Variants in LAMP1 observed in about 807,000 individuals in gnomAD.
The protein encoded by LAMP1 is lysosome associated membrane protein 1, also known as lysosome-associated membrane glycoprotein 1.
Under a neutral mutation model 37.5 loss-of-function variants are expected in LAMP1, and 7 were observed. That is an observed-to-expected ratio of 0.19 (90% confidence interval 0.11 to 0.35). The LOEUF is 0.35. LAMP1 is among the 10% of genes least tolerant of loss of function. The probability of loss-of-function intolerance (pLI) is 1.00; values close to 1 mark genes in which losing one functional copy is unlikely to be tolerated. For missense variants in LAMP1, 537 were observed against 552.8 expected (o/e 0.97, Z 0.29); for synonymous variants, 236 against 229.1 (o/e 1.03, Z -0.27).
intron 8 of LAMP1, 75 bp from the exon 9 acceptor site, chr13:113,322,207 G>C (rs1382526883): frequency 6.7e-7 from 1 of 1,482,880 alleles, no homozygotes; most frequent in Non-Finnish European, 9.1e-7. Flanking sequence ...TGATGTGGGG[G>C]AGTGGTGGGG....
intron 3 of LAMP1, among the ~76,000 whole-genome samples, chr13:113,310,440 C>T (rs528198149): frequency 5.8e-4 from 88 of 152,188 alleles, no homozygotes; most frequent in African/African-American, 2.0e-3. Flanking sequence ...GCAAGAGAAT[C>T]GCCTGAACCC....
intron 4 of LAMP1, among the ~76,000 whole-genome samples, chr13:113,314,237 C>T (rs372473243): frequency 7.0e-3 from 269 of 38,614 alleles, no homozygotes; most frequent in African/African-American, 0.013. Flanking sequence ...GGAACCAGTG[C>T]GGAGATGTCG....
At chr13:113,312,737 C>T (rs1056498216) in intron 4 of LAMP1, among the ~76,000 whole-genome samples, 5 of 152,166 alleles carry the variant, frequency 3.3e-5, no homozygotes, top group African/African-American at 1.2e-4. Context: ...TCAGGAAGAG[C>T]GGGCTAGAGT....
rs1400496924 is a variant in LAMP1 at position 113,310,823 on chromosome 13, C to T, written c.518C>T (p.Ala173Val). 2.5e-6 allele frequency: 4 copies of T among 1,613,810 alleles called. No individual in the cohort carries two copies. Among genetic ancestry groups the T allele is most frequent in the South Asian group, 1.1e-5 (1 of 91,048 alleles). The change falls in exon 4 of 9, where the codon GCC (alanine) becomes GTC (valine). Residue 173 changes from alanine (A) to valine (V), a missense_variant. Transcript: ENST00000332556. ...MNNVTVTLHD[A>V]TIQAYLSNSS... ...AACGTGACCGTAACGCTCCATGATG[C>T]CACCATCCAGGCGTACCTTTCCAAC...
rs1477393230 is a variant in LAMP1 at position 113,322,493 on chromosome 13, G to GGAGGC, written c.*73_*77dup. On this transcript the variant is annotated 3_prime_UTR_variant, in exon 9 of 9. Coordinates refer to ENST00000332556, the MANE Select transcript of LAMP1 (RefSeq NM_005561.4). Reference sequence around the variant, plus strand: ...TCTGGGCTTAGGGTCCTGTCGAAGGGGAGGCACACTTTCTGGCAAACGTTT... The same window carrying GGAGGC: ...TCTGGGCTTAGGGTCCTGTCGAAGGGGAGGCGAGGCACACTTTCTGGCAAACGTTT... 2.1e-6 allele frequency: 3 copies of GGAGGC among 1,435,588 alleles called. No homozygotes were observed. The Admixed American group carries it at 6.7e-5, about 32-fold the overall frequency. 88.9% of individuals were successfully genotyped at this position (1,435,588 alleles called of 1,614,324 possible).
rs774188089 is a variant in LAMP1 at position 113,320,382 on chromosome 13, C to A, written c.788C>A (p.Thr263Asn). The change falls in exon 6 of 9, where the codon ACC (threonine) becomes AAC (asparagine). Residue 263 changes from threonine (T) to asparagine (N), a missense_variant. Thr to Asn is a moderately conservative substitution (Grantham distance 65). Transcript: ENST00000332556. This position sits in a 1 kb window ranked among gnomAD's most constrained non-coding sequence, Gnocchi z 4.4. ...CTTCTCAACATCAACCCCAACAAGA[C>A]CTCGGCCAGCGGGAGCTGCGGCGCC... Reference protein sequence around the residue: ...TRLLNINPNKTSASGSCGAHL... With the variant: ...TRLLNINPNKNSASGSCGAHL... 1.2e-6 allele frequency: 2 copies of A among 1,613,856 alleles called. No homozygotes were observed. The highest frequency in any genetic ancestry group is 1.7e-6 in the Non-Finnish European group (2 of 1,180,034).
chr13:113,300,634 C>A (rs2042566188), intron 1 of LAMP1, among the ~76,000 whole-genome samples: 2 of 151,894 alleles, frequency 1.3e-5, no homozygotes, highest in Non-Finnish European at 2.9e-5. Context: ...TGGTGAAACT[C>A]CATCTCTATT....
chr13:113,309,619 T>C (rs1269631718), intron 2 of LAMP1, 24 bp from the exon 3 acceptor site: 3 of 1,565,228 alleles, frequency 1.9e-6, no homozygotes, highest in Non-Finnish European at 2.6e-6. Context: ...CCAATTGGGT[T>C]ACATTTAATT....
At chr13:113,310,116 C>G (rs2042622057) in intron 3 of LAMP1, among the ~76,000 whole-genome samples, 1 of 152,136 alleles carries the variant, frequency 6.6e-6, no homozygotes, top group Non-Finnish European at 1.5e-5. Context: ...GTAATCCCAG[C>G]TACTCGGGAG....
At position 113,319,668 on chromosome 13, in the gene LAMP1, G is replaced by A. The variant is rs778525208; in HGVS notation, c.750+12G>A. 4 of 1,605,178 alleles carry A rather than the reference G, an allele frequency of 2.5e-6. No individual in the cohort carries two copies. The highest frequency in any genetic ancestry group is 3.4e-6 in the Non-Finnish European group (4 of 1,176,566). ...GGAAGGACAACACGGTAGGGCTGGG[G>A]CCTCACCTGGGAGAGGGGGACGGCA... On this transcript the variant is annotated intron_variant, in intron 5 of 8. Coordinates refer to ENST00000332556, the MANE Select transcript of LAMP1 (RefSeq NM_005561.4).
chr13:113,312,765 G>T (rs1488359349), intron 4 of LAMP1, among the ~76,000 whole-genome samples: 1 of 152,182 alleles, frequency 6.6e-6, no homozygotes, highest in East Asian at 1.9e-4. Flanking sequence ...CATGGGCCGC[G>T]TGTGTCTGAG....
In LAMP1 at chr13:113,322,403, A is replaced by T. The variant is rs370190466; in HGVS notation, c.1236A>T (p.Ala412=). 50 of 1,613,218 alleles carry T rather than the reference A, an allele frequency of 3.1e-5. No individual in the cohort carries two copies. The African/African-American group carries it at 6.7e-4, about 22-fold the overall frequency. The part of the protein sequence containing the change: ...AYLVGRKRSH[A]GYQTI ...TCGTCGGCAGGAAGAGGAGTCACGC[A>T]GGCTACCAGACTATCTAGCCTGGTG... The change falls in exon 9 of 9, where the codon GCA becomes GCT. Residue 412 remains alanine, a synonymous_variant. Transcript: ENST00000332556.
intron 4 of LAMP1, among the ~76,000 whole-genome samples, chr13:113,316,982 C>T (rs775659511): frequency 6.6e-6 from 1 of 152,034 alleles, no homozygotes; most frequent in Non-Finnish European, 1.5e-5. Context: ...CCAACATTGT[C>T]ACAAAAAACT....
At chr13:113,302,432 C>T (rs113529543) in intron 1 of LAMP1, among the ~76,000 whole-genome samples, 11,355 of 151,262 alleles carry the variant, frequency 0.075, 1,345 homozygotes, top group African/African-American at 0.26. Context: ...TCAGGTGATC[C>T]GCCTGCCTCA....
At chr13:113,310,512 C>T (rs7998780) in intron 3 of LAMP1, among the ~76,000 whole-genome samples, 197 bp from the exon 4 acceptor site, 261 of 151,686 alleles carry the variant, frequency 1.7e-3, no homozygotes, top group African/African-American at 6.0e-3. Context: ...GGCGACAGGG[C>T]GAGACTCTGT....
intron 1 of LAMP1, among the ~76,000 whole-genome samples, chr13:113,300,230 C>T (rs892744967): frequency 6.6e-6 from 1 of 152,188 alleles, no homozygotes; most frequent in African/African-American, 2.4e-5. Flanking sequence ...CCTGTAATCT[C>T]AGCACTTTGG....
At chr13:113,301,596 C>T (rs372402052) in intron 1 of LAMP1, among the ~76,000 whole-genome samples, 1 of 145,098 alleles carries the variant, frequency 6.9e-6, no homozygotes, top group East Asian at 2.0e-4. Flanking sequence ...GGACTCCAGC[C>T]TGGGTGACAG....
intron 4 of LAMP1, among the ~76,000 whole-genome samples, chr13:113,311,112 A>G: frequency 6.6e-6 from 1 of 151,968 alleles, no homozygotes; most frequent in East Asian, 1.9e-4. Context: ...CGGGACAGAG[A>G]CAGATGTTGT....
rs773968025 is a variant in LAMP1 at position 113,310,718 on chromosome 13, CTG to C, written c.416_417del (p.Val139GlyfsTer5). The C allele has an allele frequency of 1.3e-6, 2 of 1,578,272 alleles. No individual in the cohort carries two copies. Among genetic ancestry groups the C allele is most frequent in the South Asian group, 1.2e-5 (1 of 85,666 alleles). On this transcript the variant is annotated frameshift_variant, in exon 4 of 9. Coordinates refer to ENST00000332556, the MANE Select transcript of LAMP1 (RefSeq NM_005561.4). LOFTEE classifies it high-confidence loss of function. ...TTTTTTTTTAATCTAGAAATCAAGA[CTG>C]TGGAATCTATAACTGACATCAGGGC...
Sources: gnomAD v4.1 joint callset for allele counts (sites outside exome capture counted in the v4.1 genomes callset) on GRCh38, gnomAD v4.1.1 for gene constraint, Gnocchi (gnomAD v3.1) non-coding constraint, MANE v1.5 for transcripts, NCBI Gene and HGNC (gene_info 2026-07-23, HGNC 2026-07-21) for gene names.